Variants in COL4A2 observed in about 807,000 individuals in gnomAD.
The protein encoded by COL4A2 is collagen type IV alpha 2 chain, also known as collagen alpha-2(IV) chain.
Under a neutral mutation model 200.2 loss-of-function variants are expected in COL4A2, and 99 were observed. The ratio of observed to expected loss-of-function variants is 0.49; its 90% CI spans 0.42 to 0.58. COL4A2 has a LOEUF of 0.58. Ranked by LOEUF, COL4A2 falls within the 20% of genes least tolerant of loss-of-function variation. The pLI, the probability that COL4A2 is intolerant of heterozygous loss-of-function variation, is 0.00. For missense variants in COL4A2, 1,950 were observed against 2,314.1 expected (o/e 0.84, Z 3.23); for synonymous variants, 897 against 900.6 (o/e 1.00, Z 0.07).
chr13:110,442,087 C>CAAAAA lies in COL4A2; in HGVS notation c.957+2278_957+2282dup, dbSNP rs10530153. ...GGAGAGACAGTGAGACTCTCTGTCTCAAAAAAAAAAAAAAAAAAAAAAAAA... is the reference window on the plus strand; with the variant it reads ...GGAGAGACAGTGAGACTCTCTGTCTCAAAAAAAAAAAAAAAAAAAAAAAAAAAAAA... On this transcript the variant is annotated intron_variant, in intron 16 of 47. Transcript: ENST00000360467. Among the ~76,000 whole-genome samples, 10 of 47,642 alleles carry CAAAAA rather than the reference C, an allele frequency of 2.1e-4. 1 individual carries two copies. The highest frequency in any genetic ancestry group is 3.3e-4 in the African/African-American group (3 of 8,972). 31.3% of individuals were successfully genotyped at this position (47,642 alleles called of 152,430 possible). A position where few individuals can be genotyped will look rare whatever the true frequency, so the allele number is the denominator to read the frequency against.
intron 30 of COL4A2, among the ~76,000 whole-genome samples, chr13:110,479,052 T>C (rs1461417162): frequency 1.3e-5 from 2 of 152,152 alleles, no homozygotes; most frequent in Non-Finnish European, 2.9e-5. Context: ...TGGACTCAGG[T>C]AGGGCCCGCT....
At chr13:110,334,548 A>G (rs753197637) in intron 3 of COL4A2, among the ~76,000 whole-genome samples, 5 of 152,102 alleles carry the variant, frequency 3.3e-5, no homozygotes, top group Non-Finnish European at 5.9e-5. Context: ...AACACATTCC[A>G]TTTCCTTCAT....
At chr13:110,446,734 T>C (rs531363913) in intron 17 of COL4A2, 64 bp from the exon 18 acceptor site, 14 of 1,407,810 alleles carry the variant, frequency 9.9e-6, no homozygotes, top group Admixed American at 6.8e-5. Flanking sequence ...TTTGGAAATA[T>C]GTGTACTGTC....
intron 4 of COL4A2, among the ~76,000 whole-genome samples, chr13:110,361,864 G>A (rs1282669341): frequency 1.3e-5 from 2 of 152,224 alleles, no homozygotes; most frequent in Non-Finnish European, 2.9e-5. Flanking sequence ...GCAGAGCTGG[G>A]AGGAGCTGAG....
At chr13:110,484,041 C>T (rs1883027169) in intron 32 of COL4A2, among the ~76,000 whole-genome samples, 1 of 151,806 alleles carries the variant, frequency 6.6e-6, no homozygotes, top group South Asian at 2.1e-4. Flanking sequence ...TTTTTACTCA[C>T]ACTTGTGCTT....
Position 110,396,156 on chromosome 13 carries a change from C to A in COL4A2, c.181-28578C>A, listed in dbSNP as rs543420091. 2.6e-5 allele frequency among the ~76,000 whole-genome samples: 4 copies of A among 152,324 alleles called. No individual in the cohort carries two copies. The East Asian group carries it at 7.7e-4, about 29-fold the overall frequency. ...GTACCCATATCCCCTCCCGCTACCT[C>A]TCACCCCTAGTTCCTCCGATTATTA... On this transcript the variant is annotated intron_variant, in intron 4 of 47. Coordinates refer to ENST00000360467, the MANE Select transcript of COL4A2 (RefSeq NM_001846.4).
At chr13:110,400,939 C>T (rs1284200829) in intron 4 of COL4A2, among the ~76,000 whole-genome samples, 1 of 152,176 alleles carries the variant, frequency 6.6e-6, no homozygotes, top group Non-Finnish European at 1.5e-5. Context: ...GAAGATGTAG[C>T]TCTTGGGGCT....
intron 14 of COL4A2, 97 bp downstream of exon 14, chr13:110,438,134 A>C (rs1594213828): frequency 1.1e-6 from 1 of 903,120 alleles, no homozygotes; most frequent in African/African-American, 1.7e-5. Context: ...CGGGGCCCGC[A>C]CACCGCCAGT....
At chr13:110,412,476 C>A (rs138158918) in intron 4 of COL4A2, among the ~76,000 whole-genome samples, 1 of 152,348 alleles carries the variant, frequency 6.6e-6, no homozygotes, top group Non-Finnish European at 1.5e-5. Flanking sequence ...TGACCTCATA[C>A]CCTGGCATAG....
At chr13:110,366,065 C>T (rs893326869) in intron 4 of COL4A2, among the ~76,000 whole-genome samples, 5 of 152,200 alleles carry the variant, frequency 3.3e-5, no homozygotes, top group Non-Finnish European at 5.9e-5. Context: ...TCCTTTTTTC[C>T]GACCTCCTGA....
intron 14 of COL4A2, 135 bp from the exon 15 acceptor site, chr13:110,438,483 T>C: frequency 8.3e-7 from 1 of 1,201,496 alleles, no homozygotes; most frequent in Non-Finnish European, 1.2e-6. Context: ...GCGCCTGAGT[T>C]GAGCATCGCC....
At chr13:110,308,046 C>G (rs750932950) in intron 2 of COL4A2, 23 bp from the exon 3 acceptor site, 7 of 1,613,606 alleles carry the variant, frequency 4.3e-6, no homozygotes, top group Non-Finnish European at 5.1e-6. Flanking sequence ...GTTCACGTCT[C>G]TCTTCCTCCC....
intron 4 of COL4A2, among the ~76,000 whole-genome samples, chr13:110,422,550 C>T (rs1880294675): frequency 6.6e-6 from 1 of 152,176 alleles, no homozygotes; most frequent in Non-Finnish European, 1.5e-5. Flanking sequence ...GTGGCATTGA[C>T]AGGACCCCTC....
Position 110,467,052 on chromosome 13 carries a change from G to A in COL4A2, c.2051G>A (p.Gly684Glu). 2 of 1,614,002 alleles carry A rather than the reference G, an allele frequency of 1.2e-6. No homozygotes were observed. Among genetic ancestry groups the A allele is most frequent in the Non-Finnish European group, 8.5e-7 (1 of 1,179,972 alleles). ...QEAIQPGCIG[G>E]PKGLPGLPGP... ...TTTCTGTCCCCAGGTTGCATAGGAG[G>A]GCCCAAGGGATTGCCAGGCCTGCCA... The change falls in exon 27 of 48, where the codon GGG becomes GAG. Residue 684 changes from glycine to glutamate, a missense_variant. Physicochemically the swap from Gly to Glu is moderately conservative, Grantham distance 98 (BLOSUM62 -2). Around this residue, in one of 2 missense-constraint regions of COL4A2, gnomAD observed 1,385 missense variants for 1,720.5 expected, o/e 0.80. Coordinates refer to ENST00000360467, the MANE Select transcript of COL4A2 (RefSeq NM_001846.4).
At chr13:110,398,832 C>A (rs1879273066) in intron 4 of COL4A2, among the ~76,000 whole-genome samples, 1 of 152,060 alleles carries the variant, frequency 6.6e-6, no homozygotes, top group Non-Finnish European at 1.5e-5. Flanking sequence ...TCTAGTCCAT[C>A]AACCAAATCA....
intron 3 of COL4A2, among the ~76,000 whole-genome samples, chr13:110,314,406 A>T (rs1885078613): frequency 6.6e-6 from 1 of 152,240 alleles, no homozygotes; most frequent in Non-Finnish European, 1.5e-5. Flanking sequence ...TGTTGCTCCC[A>T]TTCTTTTCTC....
chr13:110,449,752 C>T lies in COL4A2; in HGVS notation c.1152C>T (p.Gly384=), dbSNP rs769790560. ...PGSQGEPGDP[G]LPGPPGLSIG... is the part of the protein sequence containing the mutation. ...GCCAGGGTGAGCCAGGAGACCCGGG[C>T]CTCCCAGGTCCCCCTGGCCTCTCCA... The change falls in exon 19 of 48, where the codon GGC becomes GGT. Residue 384 remains glycine (G), a synonymous_variant. Coordinates refer to ENST00000360467, the MANE Select transcript of COL4A2 (RefSeq NM_001846.4). 2 of 1,548,906 alleles carry T rather than the reference C, an allele frequency of 1.3e-6. No individual in the cohort carries two copies. Among genetic ancestry groups the T allele is most frequent in the South Asian group, 2.4e-5 (2 of 83,918 alleles).
intron 11 of COL4A2, among the ~76,000 whole-genome samples, chr13:110,432,626 T>G (rs750940746): frequency 6.6e-6 from 1 of 152,250 alleles, no homozygotes; most frequent in Non-Finnish European, 1.5e-5. Flanking sequence ...AAAACCACAC[T>G]GAGGAACATT....
intron 27 of COL4A2, among the ~76,000 whole-genome samples, chr13:110,467,687 C>T (rs558464773): frequency 2.0e-5 from 3 of 152,210 alleles, no homozygotes; most frequent in Non-Finnish European, 2.9e-5. Context: ...CCACCACTGC[C>T]GTCCCGCCTG....
Sources: allele counts gnomAD v4.1 joint callset (sites outside exome capture counted in the v4.1 genomes callset), GRCh38; gene constraint gnomAD v4.1.1; regional missense constraint gnomAD v4.1.1; transcripts MANE v1.5; gene names NCBI Gene and HGNC (gene_info 2026-07-23, HGNC 2026-07-21).